The following FAM53B variants were observed in gnomAD, a reference collection of about 807,000 sequenced individuals.
The protein encoded by FAM53B is family with sequence similarity 53 member B.
In FAM53B, 12 loss-of-function variants were observed where a neutral mutation model predicts 32.7. The observed-to-expected ratio is 0.37, with a 90% CI of 0.24 to 0.59. The LOEUF is 0.59. Among genes scored for constraint, FAM53B ranks in the 20% least tolerant of loss-of-function variants. The pLI, the probability that FAM53B is intolerant of heterozygous loss-of-function variation, is 0.72. For missense variants in FAM53B, 477 were observed against 577.7 expected (o/e 0.83, Z 1.79); for synonymous variants, 234 against 228.7 (o/e 1.02, Z -0.21).
chr10:124,714,716 G>GCCA (rs1950028223), intron 1 of FAM53B, among the ~76,000 whole-genome samples: 1 of 137,722 alleles, frequency 7.3e-6, no homozygotes, highest in Non-Finnish European at 1.5e-5. Flanking sequence ...CCAAGATCGT[G>GCCA]CCACTGCACT....
intron 4 of FAM53B, among the ~76,000 whole-genome samples, chr10:124,677,085 G>A (rs1464525654): frequency 6.6e-6 from 1 of 152,126 alleles, no homozygotes; most frequent in Non-Finnish European, 1.5e-5. Flanking sequence ...AATACAGCAG[G>A]GACTATGACA....
chr10:124,686,599 T>G (rs1248833162), intron 3 of FAM53B, among the ~76,000 whole-genome samples: 4 of 152,212 alleles, frequency 2.6e-5, no homozygotes, highest in African/African-American at 9.7e-5. Flanking sequence ...ACAGCACGTA[T>G]GTACCTGAAC....
At chr10:124,664,422 T>C (rs960782088) in intron 4 of FAM53B, among the ~76,000 whole-genome samples, 1 of 152,318 alleles carries the variant, frequency 6.6e-6, no homozygotes, top group Middle Eastern at 3.4e-3. Context: ...ACAGGTCAGC[T>C]TGGGGAGCTT....
chr10:124,655,674 TCTCTGCTGGGGTCC>T (rs1949585197), intron 4 of FAM53B, among the ~76,000 whole-genome samples: 1 of 152,022 alleles, frequency 6.6e-6, no homozygotes. Context: ...AGCAGCCTGT[TCTCTGCTGGGGTCC>T]CTCTGCCCCA....
intron 4 of FAM53B, among the ~76,000 whole-genome samples, chr10:124,660,054 G>C (rs867697829): frequency 1.3e-5 from 2 of 152,216 alleles, no homozygotes; most frequent in South Asian, 4.1e-4. Flanking sequence ...TGACCCACCC[G>C]CCTTGGCCTT....
At chr10:124,643,554 G>T (rs550364465) in intron 4 of FAM53B, among the ~76,000 whole-genome samples, 3 of 152,384 alleles carry the variant, frequency 2.0e-5, no homozygotes, top group African/African-American at 7.2e-5. Flanking sequence ...CCAGCGGGGG[G>T]GTGCAGGGCT....
At position 124,681,914 on chromosome 10, in the gene FAM53B, C is replaced by A. The variant is rs920772618; in HGVS notation, c.599G>T (p.Gly200Val). ...FGGQPCQGVPGSAPCGQAGDT... is the reference protein window; with the variant it reads ...FGGQPCQGVPVSAPCGQAGDT... The stretch of plus-strand genomic sequence containing the variant: ...ACCTGCCTGTCCACACGGGGCTGAG[C>A]CTGGCACCCCTTGGCAGGGCTGCCC... Residue 200 changes from glycine (G) to valine (V), a missense_variant, in exon 4 of 5, where the codon GGC becomes GTC. By Grantham distance (109) the Gly-to-Val change is moderately radical. Transcript: ENST00000337318. 3.1e-6 allele frequency: 5 copies of A among 1,613,972 alleles called. No individual in the cohort carries two copies. The highest frequency in any genetic ancestry group is 8.5e-7 in the Non-Finnish European group (1 of 1,179,972).
In FAM53B at chr10:124,626,388, GCCCC is replaced by G. The variant is rs34542605; in HGVS notation, c.907-2788_907-2785del. ...CCGTGGTGCTACGGTCGAAATTTGT[GCCCC>G]CCCCCCCCCCACCATTCCTCAGTGC... On this transcript the variant is annotated intron_variant, in intron 4 of 4. Coordinates refer to ENST00000337318, the MANE Select transcript of FAM53B (RefSeq NM_014661.4). Among the ~76,000 whole-genome samples, 181 of 101,814 alleles carry G rather than the reference GCCCC, an allele frequency of 1.8e-3. 3 individuals are homozygous for G. Among genetic ancestry groups the G allele is most frequent in the African/African-American group, 5.8e-3 (175 of 30,012 alleles). The allele number at this position is 101,814 out of a possible 152,430, so 66.8% of individuals were successfully genotyped here.
chr10:124,624,248 G>A (rs1052187684), intron 4 of FAM53B, among the ~76,000 whole-genome samples: 10 of 152,334 alleles, frequency 6.6e-5, no homozygotes, highest in African/African-American at 1.4e-4. Flanking sequence ...CAACCAGAGC[G>A]GGAGCCGCAG....
intron 4 of FAM53B, among the ~76,000 whole-genome samples, chr10:124,646,938 C>T (rs1052013290): frequency 8.5e-5 from 13 of 152,230 alleles, no homozygotes; most frequent in African/African-American, 3.1e-4. Context: ...CCTGGAATCT[C>T]ACACAGCCAG....
At chr10:124,681,147 C>T (rs566740008) in intron 4 of FAM53B, among the ~76,000 whole-genome samples, 3 of 152,168 alleles carry the variant, frequency 2.0e-5, no homozygotes, top group Non-Finnish European at 4.4e-5. Context: ...AGGAATAAGT[C>T]CCCCCAATCG....
intron 1 of FAM53B, among the ~76,000 whole-genome samples, chr10:124,725,714 T>C (rs1950097551): frequency 6.6e-6 from 1 of 152,198 alleles, no homozygotes; most frequent in South Asian, 2.1e-4. Context: ...TGGTGTGTGT[T>C]AGTGATAGAA....
chr10:124,649,663 T>G (rs1382620563), intron 4 of FAM53B, among the ~76,000 whole-genome samples: 2 of 152,208 alleles, frequency 1.3e-5, no homozygotes, highest in African/African-American at 4.8e-5. Context: ...AGTGTCCCCC[T>G]GTAAGATGGA....
chr10:124,687,570 G>T (rs2134072433), intron 3 of FAM53B, among the ~76,000 whole-genome samples: 1 of 152,338 alleles, frequency 6.6e-6, no homozygotes, highest in South Asian at 2.1e-4. Context: ...GCTTGACTCA[G>T]CCAGAGCTGC....
chr10:124,714,831 G>A (rs1234511561), intron 1 of FAM53B, among the ~76,000 whole-genome samples: 5 of 151,206 alleles, frequency 3.3e-5, no homozygotes, highest in Non-Finnish European at 7.4e-5. Flanking sequence ...AGGTGACACA[G>A]AGCCTACCTT....
At chr10:124,645,291 CTCTTT>C (rs1327213573) in intron 4 of FAM53B, among the ~76,000 whole-genome samples, 24 of 152,152 alleles carry the variant, frequency 1.6e-4, no homozygotes, top group African/African-American at 5.8e-4. Context: ...ATCCCTTCTT[CTCTTT>C]AATTTTTTAA....
chr10:124,679,032 C>T (rs1314922312), intron 4 of FAM53B, among the ~76,000 whole-genome samples: 1 of 152,220 alleles, frequency 6.6e-6, no homozygotes, highest in Admixed American at 6.5e-5. Flanking sequence ...GGCCTCAGAA[C>T]CCACACACGA....
In FAM53B at chr10:124,706,753, T is replaced by A. The variant is rs766605476; in HGVS notation, c.-40A>T. 1.2e-6 allele frequency: 2 copies of A among 1,613,656 alleles called. No individual in the cohort carries two copies. The highest frequency in any genetic ancestry group is 2.2e-5 in the South Asian group (2 of 91,066). ...GCGCTGGGCTCCATCCCAGGGTGGG[T>A]ATCAGCCATCTTCACTTGGGCAGAC... On this transcript the variant is annotated 5_prime_UTR_variant, in exon 2 of 5. Transcript: ENST00000337318.
intron 3 of FAM53B, among the ~76,000 whole-genome samples, chr10:124,685,886 C>T (rs1006042008): frequency 1.3e-5 from 2 of 152,216 alleles, no homozygotes; most frequent in South Asian, 2.1e-4. Flanking sequence ...TTCTGAAGCC[C>T]CCACCTATTG....
Sources: gnomAD v4.1 joint callset for allele counts (sites outside exome capture counted in the v4.1 genomes callset) on GRCh38, gnomAD v4.1.1 for gene constraint, MANE v1.5 for transcripts, NCBI Gene and HGNC (gene_info 2026-07-23, HGNC 2026-07-21) for gene names.